The following NAALADL2 variants were observed in gnomAD, a reference collection of about 807,000 sequenced individuals.
NAALADL2 encodes the protein inactive N-acetylated-alpha-linked acidic dipeptidase-like protein 2.
In NAALADL2, 76 loss-of-function variants were observed where a neutral mutation model predicts 87.2. The observed-to-expected ratio is 0.87, with a 90% confidence interval of 0.72 to 1.05. The LOEUF is 1.05. Among genes scored for constraint, NAALADL2 ranks in the 50% least tolerant of loss-of-function variants. The pLI is 0.00. For synonymous variants in NAALADL2, 354 were observed against 331.0 expected (o/e 1.07, Z -0.75); for missense variants, 1,089 against 945.8 (o/e 1.15, Z -1.99).
chr3:175,090,692 T>A (rs942195214), intron 1 of NAALADL2, among the ~76,000 whole-genome samples: 32 of 152,032 alleles, frequency 2.1e-4, no homozygotes, highest in Non-Finnish European at 3.7e-4. Context: ...CAGGGTGAAG[T>A]TTTAGTTTAT....
intron 2 of NAALADL2, among the ~76,000 whole-genome samples, chr3:174,689,484 G>A (rs745379079): frequency 3.3e-4 from 50 of 151,396 alleles, no homozygotes; most frequent in Non-Finnish European, 4.4e-4. Context: ...ATTCAACCTC[G>A]GAATCCCTTG....
chr3:175,444,071 T>C (rs1249300104), intron 5 of NAALADL2, among the ~76,000 whole-genome samples: 1 of 152,136 alleles, frequency 6.6e-6, no homozygotes, highest in Non-Finnish European at 1.5e-5. Context: ...TTGCTTAAGA[T>C]GTATGAAGAA....
chr3:174,808,228 T>TA (rs1330187803), intron 3 of NAALADL2, among the ~76,000 whole-genome samples: 38 of 152,052 alleles, frequency 2.5e-4, no homozygotes, highest in African/African-American at 9.2e-4. Flanking sequence ...ATAAATAAAA[T>TA]ATGAATTCCT....
intron 2 of NAALADL2, among the ~76,000 whole-genome samples, chr3:174,689,329 C>G (rs1166541295): frequency 3.3e-5 from 5 of 151,810 alleles, no homozygotes; most frequent in South Asian, 2.1e-4. Flanking sequence ...CCTCAGCCAT[C>G]AAGAGCCACA....
intron 2 of NAALADL2, among the ~76,000 whole-genome samples, chr3:175,129,113 T>C (rs937347051): frequency 3.3e-5 from 5 of 151,912 alleles, no homozygotes; most frequent in African/African-American, 9.7e-5. Context: ...TAATTTTTTT[T>C]TTTTTATAAT....
At chr3:174,544,803 T>C (rs1271749487) in intron 1 of NAALADL2, among the ~76,000 whole-genome samples, 1 of 151,972 alleles carries the variant, frequency 6.6e-6, no homozygotes, top group South Asian at 2.1e-4. Context: ...TCTCCTGACA[T>C]TCTTATCTGC....
intron 2 of NAALADL2, among the ~76,000 whole-genome samples, chr3:175,108,154 TAA>T: frequency 1.4e-5 from 2 of 145,480 alleles, no homozygotes; most frequent in Middle Eastern, 3.5e-3. Flanking sequence ...AGTAATGAAT[TAA>T]ATCCAAATGA....
intron 3 of NAALADL2, among the ~76,000 whole-genome samples, chr3:174,756,645 A>G (rs1253868732): frequency 6.6e-6 from 1 of 152,240 alleles, no homozygotes; most frequent in Admixed American, 6.5e-5. Context: ...TCATGAACAG[A>G]TAGAGATCTG....
chr3:174,998,650 A>G (rs556916215), intron 1 of NAALADL2, among the ~76,000 whole-genome samples: 1 of 152,312 alleles, frequency 6.6e-6, no homozygotes, highest in South Asian at 2.1e-4. Flanking sequence ...TCCTGGAAGT[A>G]ATCTGCATGT....
At chr3:175,531,158 C>G (rs1437642066) in intron 9 of NAALADL2, among the ~76,000 whole-genome samples, 1 of 152,104 alleles carries the variant, frequency 6.6e-6, no homozygotes, top group African/African-American at 2.4e-5. Context: ...TTCTCCTGTT[C>G]TGGACCACAC....
chr3:174,751,770 C>A (rs1166576634), intron 3 of NAALADL2, among the ~76,000 whole-genome samples: 1 of 151,400 alleles, frequency 6.6e-6, no homozygotes, highest in Non-Finnish European at 1.5e-5. Flanking sequence ...CTTTCATGTA[C>A]GCTTACATTG....
chr3:175,510,592 G>A (rs952034180), intron 9 of NAALADL2, among the ~76,000 whole-genome samples: 2 of 152,152 alleles, frequency 1.3e-5, no homozygotes, highest in African/African-American at 2.4e-5. Context: ...AATTTCCAAA[G>A]TCTTCCTTTA....
At chr3:175,337,061 C>T (rs948241333) in intron 5 of NAALADL2, among the ~76,000 whole-genome samples, 2 of 152,054 alleles carry the variant, frequency 1.3e-5, no homozygotes, top group African/African-American at 4.8e-5. Flanking sequence ...TAAGTTGTTA[C>T]CATGGTATCT....
rs1158682043 is a variant in NAALADL2, at chr3:174,838,037, G to GAA, written c.-9+100302_-9+100303dup. Among the ~76,000 whole-genome samples, 321 of 117,352 alleles carry GAA rather than the reference G, an allele frequency of 2.7e-3. 1 individual carries two copies. The highest frequency in any genetic ancestry group is 8.8e-3 in the African/African-American group (276 of 31,502). 77.0% of individuals were successfully genotyped at this position (117,352 alleles called of 152,430 possible). On this transcript the variant is annotated intron_variant, in intron 3 of 3. Coordinates refer to the NAALADL2 transcript ENST00000434257. ...ACCAAAAAAGAAAAAAAAAAAAAAA[G>GAA]AAAAAAAAAAAACTACAGACCAATA... is the stretch of plus-strand genomic sequence containing the variant.
At chr3:174,811,566 C>A (rs1312105551) in intron 3 of NAALADL2, among the ~76,000 whole-genome samples, 3 of 152,106 alleles carry the variant, frequency 2.0e-5, no homozygotes, top group Non-Finnish European at 2.9e-5. Context: ...ATGCCTATAC[C>A]CCTGTTGTAT....
chr3:174,832,704 G>A (rs899972756), intron 3 of NAALADL2, among the ~76,000 whole-genome samples: 6 of 152,036 alleles, frequency 3.9e-5, no homozygotes, highest in African/African-American at 1.4e-4. Flanking sequence ...TTGACGTCGT[G>A]ATCCGCCCGC....
At chr3:174,706,258 A>G (rs1381886254) in intron 2 of NAALADL2, among the ~76,000 whole-genome samples, 1 of 152,228 alleles carries the variant, frequency 6.6e-6, no homozygotes, top group African/African-American at 2.4e-5. Context: ...CATGTGCAGA[A>G]GAATGAAGTT....
At chr3:174,788,003 C>T (rs1211997097) in intron 3 of NAALADL2, among the ~76,000 whole-genome samples, 1 of 151,898 alleles carries the variant, frequency 6.6e-6, no homozygotes, top group Non-Finnish European at 1.5e-5. Flanking sequence ...GGAGATTAGA[C>T]AATAGATAGA....
chr3:175,428,289 T>C (rs1173464418), intron 5 of NAALADL2, among the ~76,000 whole-genome samples: 1 of 152,174 alleles, frequency 6.6e-6, no homozygotes, highest in Non-Finnish European at 1.5e-5. Context: ...ATAAGTTTTT[T>C]TGAAGAAAAC....
Sources: gnomAD v4.1 joint callset for allele counts (sites outside exome capture counted in the v4.1 genomes callset) on GRCh38, gnomAD v4.1.1 for gene constraint, MANE v1.5 for transcripts, NCBI Gene and HGNC (gene_info 2026-07-23, HGNC 2026-07-21) for gene names.